Variants in AK4 observed in about 807,000 individuals in gnomAD.
The protein encoded by AK4 is adenylate kinase 4.
AK4 carries 13 observed loss-of-function variants against 24.6 expected under a neutral mutation model. The ratio of observed to expected loss-of-function variants is 0.53; its 90% confidence interval spans 0.34 to 0.84. AK4 has a LOEUF of 0.84. Among genes scored for constraint, AK4 ranks in the 40% least tolerant of loss-of-function variants. The pLI, the probability that AK4 is intolerant of heterozygous loss-of-function variation, is 0.01. For synonymous variants in AK4, 88 were observed against 107.0 expected, an observed-to-expected ratio of 0.82 and a Z score of 1.10; for missense variants, 192 against 288.2, an observed-to-expected ratio of 0.67 and a Z score of 2.42.
chr1:65,207,724 C>T (rs956855960), intron 2 of AK4, among the ~76,000 whole-genome samples: 4 of 152,126 alleles, frequency 2.6e-5, no homozygotes, highest in Admixed American at 1.3e-4. Flanking sequence ...TCCCTGTTGT[C>T]TGCTGTGCCC....
intron 2 of AK4, among the ~76,000 whole-genome samples, chr1:65,217,487 GTTCTTTAAC>G (rs1185359253): frequency 6.6e-6 from 1 of 152,032 alleles, no homozygotes; most frequent in Non-Finnish European, 1.5e-5. Context: ...CATCTACCTG[GTTCTTTAAC>G]TAGGATATAA....
At chr1:65,199,726 TC>T (rs1651604023) in intron 2 of AK4, among the ~76,000 whole-genome samples, 2 of 152,186 alleles carry the variant, frequency 1.3e-5, no homozygotes, top group African/African-American at 4.8e-5. Context: ...GTATCTCTTA[TC>T]CAGAATGCTC....
chr1:65,187,091 G>A (rs1248478308), intron 1 of AK4, among the ~76,000 whole-genome samples: 1 of 152,080 alleles, frequency 6.6e-6, no homozygotes, highest in Non-Finnish European at 1.5e-5. Context: ...CGGGCGCGGT[G>A]GCTCACGCTT....
At position 65,171,810 on chromosome 1, in the gene AK4, A is replaced by G. The variant is rs889833415; in HGVS notation, c.146-18900A>G. The stretch of plus-strand genomic sequence containing the variant: ...GGGCTAGGCATGGTGGCTCATGCCT[A>G]TAATCCCAGCACTTTGGGAGGCTGA... On this transcript the variant is annotated intron_variant, in intron 1 of 4. Transcript: ENST00000327299. Among the ~76,000 whole-genome samples the G allele has an allele frequency of 4.0e-5, 6 of 151,828 alleles. No individual in the cohort carries two copies. The East Asian group carries it at 9.8e-4, about 25-fold the overall frequency.
intron 2 of AK4, among the ~76,000 whole-genome samples, chr1:65,209,389 T>TA (rs1188337536): frequency 6.6e-6 from 1 of 152,096 alleles, no homozygotes; most frequent in Non-Finnish European, 1.5e-5. Flanking sequence ...CTTGGAGTGT[T>TA]ACTTTTAGTA....
chr1:65,194,817 C>T (rs4390212), intron 2 of AK4, among the ~76,000 whole-genome samples: 51,726 of 152,094 alleles, frequency 0.34, 9,932 homozygotes, highest in African/African-American at 0.52. Context: ...CCCTCTTCTT[C>T]TGAGTCCTCA....
intron 1 of AK4, among the ~76,000 whole-genome samples, chr1:65,177,973 A>G (rs2101020902): frequency 6.6e-6 from 1 of 152,112 alleles, no homozygotes; most frequent in African/African-American, 2.4e-5. Flanking sequence ...ATGATGTTTC[A>G]TTTGTTGAGA....
intron 2 of AK4, among the ~76,000 whole-genome samples, chr1:65,206,114 T>A (rs1160661629): frequency 2.0e-5 from 3 of 152,184 alleles, no homozygotes; most frequent in Non-Finnish European, 1.5e-5. Context: ...TAATGTGACA[T>A]TATGTATTTA....
chr1:65,191,940 G>A (rs1029785689), intron 2 of AK4, among the ~76,000 whole-genome samples: 1 of 152,106 alleles, frequency 6.6e-6, no homozygotes, highest in Non-Finnish European at 1.5e-5. Context: ...GTGGATTGAG[G>A]AAAAAGAATT....
intron 4 of AK4, among the ~76,000 whole-genome samples, chr1:65,225,104 C>G (rs538519457): frequency 6.6e-6 from 1 of 152,310 alleles, no homozygotes; most frequent in South Asian, 2.1e-4. Context: ...TCATCTCTGT[C>G]TGCTTTGGAT....
upstream of AK4, chr1:65,148,164 A>T: frequency 1.3e-6 from 1 of 749,860 alleles, no homozygotes; most frequent in Non-Finnish European, 2.0e-6. Flanking sequence ...GAGGAGGGCG[A>T]GGAGGTGGAG....
At chr1:65,158,758 A>G (rs1650058557) in intron 1 of AK4, among the ~76,000 whole-genome samples, 1 of 151,926 alleles carries the variant, frequency 6.6e-6, no homozygotes. Context: ...CCACCTGCCT[A>G]GGCCTCCCAA....
chr1:65,171,040 C>T (rs931066517), intron 1 of AK4, among the ~76,000 whole-genome samples: 5 of 149,680 alleles, frequency 3.3e-5, no homozygotes, highest in African/African-American at 1.2e-4. Flanking sequence ...TTACTGCTGC[C>T]TCCACCTGTC....
At chr1:65,157,480 C>G (rs898773256) in intron 1 of AK4, among the ~76,000 whole-genome samples, 2 of 151,968 alleles carry the variant, frequency 1.3e-5, no homozygotes, top group African/African-American at 4.8e-5. Flanking sequence ...GGCAAGCAAA[C>G]AAGAAGAAAA....
intron 2 of AK4, among the ~76,000 whole-genome samples, chr1:65,200,832 C>G (rs1019101250): frequency 6.6e-6 from 1 of 150,902 alleles, no homozygotes; most frequent in African/African-American, 2.4e-5. Flanking sequence ...GAGTCTCGCT[C>G]TGTCCCAGGC....
intron 1 of AK4, 30 bp from the exon 2 acceptor site, chr1:65,190,680 A>C: frequency 6.2e-7 from 1 of 1,603,240 alleles, no homozygotes; most frequent in African/African-American, 1.3e-5. Flanking sequence ...ATTTTCTTGA[A>C]TACCTCTTTT....
intron 1 of AK4, among the ~76,000 whole-genome samples, chr1:65,170,196 A>G (rs2101006775): frequency 6.6e-6 from 1 of 152,270 alleles, no homozygotes; most frequent in South Asian, 2.1e-4. Flanking sequence ...AACCCCGTCT[A>G]CTAAAAATAC....
At chr1:65,223,279 C>G (rs1466064976) in intron 3 of AK4, among the ~76,000 whole-genome samples, 1 of 151,962 alleles carries the variant, frequency 6.6e-6, no homozygotes, top group Non-Finnish European at 1.5e-5. Context: ...AACCTTTGCC[C>G]CTGGGTTCAA....
intron 1 of AK4, among the ~76,000 whole-genome samples, chr1:65,180,764 C>T (rs958534983): frequency 9.2e-5 from 14 of 152,166 alleles, no homozygotes; most frequent in Non-Finnish European, 2.1e-4. Flanking sequence ...TAAAGCTCTA[C>T]AGTTCATCTT....
Sources: gnomAD v4.1 joint callset for allele counts (sites outside exome capture counted in the v4.1 genomes callset) on GRCh38, gnomAD v4.1.1 for gene constraint, MANE v1.5 for transcripts, NCBI Gene and HGNC (gene_info 2026-07-23, HGNC 2026-07-21) for gene names.